The following ADAMDEC1 variants were observed in gnomAD, a reference collection of about 807,000 sequenced individuals.
The protein encoded by ADAMDEC1 is ADAM like decysin 1.
In ADAMDEC1, 62 loss-of-function variants were observed where a neutral mutation model predicts 60.4. The ratio of observed to expected loss-of-function variants is 1.03; its 90% CI spans 0.84 to 1.27. The LOEUF is 1.27. ADAMDEC1 is among the 50% of genes most tolerant of loss of function. The probability of loss-of-function intolerance (pLI) is 0.00; values close to 1 mark genes in which losing one functional copy is unlikely to be tolerated. For synonymous variants in ADAMDEC1, 210 were observed against 195.1 expected, an observed-to-expected ratio of 1.08 and a Z score of -0.64; for missense variants, 595 against 565.0, an observed-to-expected ratio of 1.05 and a Z score of -0.54.
rs1247665379 is a variant in ADAMDEC1, at chr8:24,398,508, T to A, written c.719T>A (p.Leu240Gln). The A allele has an allele frequency of 6.3e-7, 1 of 1,599,960 alleles. No homozygotes were observed. Among genetic ancestry groups the A allele is most frequent in the African/African-American group, 1.3e-5 (1 of 74,542 alleles). The change falls in exon 8 of 14, where the codon CTG becomes CAG. Residue 240 changes from leucine (L) to glutamine (Q), a missense_variant. Coordinates refer to ENST00000256412, the MANE Select transcript of ADAMDEC1 (RefSeq NM_014479.3). ...AAGAACTATAATGAGAATCTAACTC[T>A]GATAAGAAGCTTTGTGTTTGATGTG... ...FYKNYNENLT[L>Q]IRSFVFDVMN... is the part of the protein sequence containing the mutation.
Position 24,395,575 on chromosome 8 carries a change from T to C in ADAMDEC1, c.364-145T>C, listed in dbSNP as rs998534687. 8.5e-6 allele frequency: 5 copies of C among 588,580 alleles called. No homozygotes were observed. The African/African-American group carries it at 9.4e-5, about 11-fold the overall frequency. The allele number at this position is 588,580 out of a possible 1,614,324, so 36.5% of individuals were successfully genotyped here. A position where few individuals can be genotyped will look rare whatever the true frequency, so the allele number is the denominator to read the frequency against. ...TGAGGATTGGTCTGGCCACAGTCACTACTTGAAGAATTTTTACATATTCAA... is the reference window on the plus strand; with the variant it reads ...TGAGGATTGGTCTGGCCACAGTCACCACTTGAAGAATTTTTACATATTCAA... On this transcript the variant is annotated intron_variant, in intron 4 of 13. Transcript: ENST00000256412.
At position 24,405,422 on chromosome 8, in the gene ADAMDEC1, A is replaced by G; in HGVS notation, c.*124A>G. The G allele has an allele frequency of 8.8e-7, 1 of 1,130,508 alleles. No homozygotes were observed. Among genetic ancestry groups the G allele is most frequent in the South Asian group, 1.4e-5 (1 of 71,986 alleles). The allele number at this position is 1,130,508 out of a possible 1,614,324, so 70.0% of individuals were successfully genotyped here. On this transcript the variant is annotated 3_prime_UTR_variant, in exon 14 of 14. Transcript: ENST00000256412. ...TTTCACTTGTCATTCTACTTTCTAT[A>G]TTGTTATCAGTCCAGGAAACAGGTA...
Position 24,404,069 on chromosome 8 carries a change from G to C in ADAMDEC1, c.1387G>C (p.Asp463His). The change falls in exon 13 of 14, where the codon GAT (aspartate) becomes CAT (histidine). Residue 463 changes from aspartate to histidine, a missense_variant. Transcript: ENST00000256412. Reference protein sequence around the residue: ...KLKPGTDCGGDAPNHTTE With the variant: ...KLKPGTDCGGHAPNHTTE Reference sequence around the variant, plus strand: ...GAAGCCTGGAACTGATTGCGGAGGAGATGCTCCAAACCATACCACGTAAGA... The same window carrying C: ...GAAGCCTGGAACTGATTGCGGAGGACATGCTCCAAACCATACCACGTAAGA... 6.2e-7 allele frequency: 1 copy of C among 1,613,670 alleles called. No individual in the cohort carries two copies. Among genetic ancestry groups the C allele is most frequent in the Admixed American group, 1.7e-5 (1 of 59,974 alleles).
At chr8:24,400,093 T>C in intron 10 of ADAMDEC1, 77 bp from the exon 11 acceptor site, 1 of 1,229,820 alleles carries the variant, frequency 8.1e-7, no homozygotes, top group Non-Finnish European at 1.1e-6. Flanking sequence ...TTTCATCTCT[T>C]AAGCCATTTT....
At chr8:24,385,897 C>G (rs2129356115) in intron 1 of ADAMDEC1, among the ~76,000 whole-genome samples, 1 of 152,002 alleles carries the variant, frequency 6.6e-6, no homozygotes, top group South Asian at 2.1e-4. Flanking sequence ...TTAATTGTAC[C>G]TAAAGAGAAG....
intron 7 of ADAMDEC1, 136 bp downstream of exon 7, chr8:24,397,881 C>T: frequency 1.4e-6 from 1 of 727,674 alleles, no homozygotes; most frequent in Admixed American, 2.9e-5. Flanking sequence ...TGTTTACATG[C>T]CTTGCCAGCA....
Position 24,392,283 on chromosome 8 carries a change from C to A in ADAMDEC1, c.110C>A (p.Pro37His), listed in dbSNP as rs535332535. 6.2e-7 allele frequency: 1 copy of A among 1,610,136 alleles called. No individual in the cohort carries two copies. Among genetic ancestry groups the A allele is most frequent in the Admixed American group, 1.7e-5 (1 of 59,556 alleles). Reference sequence around the variant, plus strand: ...CTAGCAATAGCCATAAAGCAAACACCTGAATTAACGCTCCATGAAATAGTT... The same window carrying A: ...CTAGCAATAGCCATAAAGCAAACACATGAATTAACGCTCCATGAAATAGTT... ...QTQAIAIKQT[P>H]ELTLHEIVCP... Residue 37 changes from proline to histidine, a missense_variant, in exon 2 of 14, where the codon CCT becomes CAT. Physicochemically the swap from Pro to His is moderately conservative, Grantham distance 77. Transcript: ENST00000256412.
At chr8:24,398,424 C>A in intron 7 of ADAMDEC1, 56 bp from the exon 8 acceptor site, 1 of 998,140 alleles carries the variant, frequency 1.0e-6, no homozygotes, top group South Asian at 1.5e-5. Context: ...TGTATGCCAT[C>A]AGCTTTCTCA....
Sources: allele counts gnomAD v4.1 joint callset (sites outside exome capture counted in the v4.1 genomes callset), GRCh38; gene constraint gnomAD v4.1.1; transcripts MANE v1.5; gene names NCBI Gene and HGNC (gene_info 2026-07-23, HGNC 2026-07-21).